The following COL5A1 variants were observed in gnomAD, a reference collection of about 807,000 sequenced individuals.
The protein encoded by COL5A1 is collagen type V alpha 1 chain, also known as collagen alpha-1(V) chain.
COL5A1 carries 16 observed loss-of-function variants against 263.7 expected under a neutral mutation model. The observed-to-expected ratio is 0.06, with a 90% CI of 0.04 to 0.09. The LOEUF (loss-of-function observed/expected upper bound fraction) is 0.09, where lower values mean the gene tolerates loss of function less well. Ranked by LOEUF, COL5A1 falls within the 10% of genes least tolerant of loss-of-function variation. The pLI is 1.00. For synonymous variants in COL5A1, 1,012 were observed against 1,004.5 expected (o/e 1.01, Z -0.14); for missense variants, 2,036 against 2,540.5 (o/e 0.80, Z 4.27).
Position 134,681,871 on chromosome 9 carries a change from C to G in COL5A1, c.110-9041C>G, listed in dbSNP as rs116705556. 4.8e-3 allele frequency among the ~76,000 whole-genome samples: 726 copies of G among 152,178 alleles called. 7 individuals are homozygous for G. The highest frequency in any genetic ancestry group is 0.016 in the African/African-American group (685 of 41,524). On this transcript the variant is annotated intron_variant, in intron 1 of 65. Transcript: ENST00000371817. This position sits in a 1 kb window ranked among gnomAD's most constrained non-coding sequence, Gnocchi z 4.3. The stretch of plus-strand genomic sequence containing the variant: ...GCAGAAACCTCCCCTCTCTTCCTCG[C>G]TCTTCCTCTCTTTCTCTCTCTGTCT...
intron 38 of COL5A1, 23 bp downstream of exon 38, chr9:134,802,030 T>A: frequency 6.2e-7 from 1 of 1,611,576 alleles, no homozygotes; most frequent in Middle Eastern, 1.7e-4. Flanking sequence ...CTTCCCAGAT[T>A]CCATGGGTCA....
At chr9:134,685,594 T>TCCACCATCCATCCACCCATCCATCCA (rs1833035754) in intron 1 of COL5A1, among the ~76,000 whole-genome samples, 1 of 123,218 alleles carries the variant, frequency 8.1e-6, no homozygotes, top group African/African-American at 3.1e-5. Flanking sequence ...CCTCCATCCA[T>TCCACCATCCATCCACCCATCCATCCA]CCATCCATCC....
At chr9:134,796,926 C>T in intron 36 of COL5A1, 25 bp downstream of exon 36, 1 of 1,605,960 alleles carries the variant, frequency 6.2e-7, no homozygotes, top group Non-Finnish European at 8.5e-7. Flanking sequence ...CCTTGCTGGG[C>T]CAGCACTGCC....
chr9:134,702,871 A>C (rs1833720258), intron 4 of COL5A1, among the ~76,000 whole-genome samples: 2 of 152,350 alleles, frequency 1.3e-5, no homozygotes, highest in Admixed American at 1.3e-4. Context: ...TGGCTGCTTC[A>C]TGAGCTGTGG....
chr9:134,826,104 C>T (rs1395068839), intron 63 of COL5A1, among the ~76,000 whole-genome samples, 200 bp downstream of exon 63: 9 of 152,368 alleles, frequency 5.9e-5, no homozygotes, highest in Admixed American at 1.3e-4. Context: ...TAGGTTTGTG[C>T]AGCCCGGGGT....
At position 134,812,621 on chromosome 9, in the gene COL5A1, C is replaced by T; in HGVS notation, c.3761C>T (p.Pro1254Leu). The change falls in exon 48 of 66, where the codon CCT (proline) becomes CTT (leucine). Residue 1254 changes from proline (P) to leucine (L), a missense_variant. Around this residue, in one of 3 missense-constraint regions of COL5A1, gnomAD observed 1,078 missense variants for 1,521.4 expected, o/e 0.71. Coordinates refer to ENST00000371817, the MANE Select transcript of COL5A1 (RefSeq NM_000093.5). Reference sequence around the variant, plus strand: ...TTTTCCTAGGGCCCCCCGGGTCCCCCTGGCCCCCGAGGACCCTCCGGAGCT... The same window carrying T: ...TTTTCCTAGGGCCCCCCGGGTCCCCTTGGCCCCCGAGGACCCTCCGGAGCT... ...DVGQMGPPGP[P>L]GPRGPSGAPG... 1 of 1,604,212 alleles carries T rather than the reference C, an allele frequency of 6.2e-7. No homozygotes were observed. The highest frequency in any genetic ancestry group is 8.5e-7 in the Non-Finnish European group (1 of 1,175,086).
At chr9:134,674,513 A>AGTGT (rs146232546) in intron 1 of COL5A1, among the ~76,000 whole-genome samples, 3 of 151,994 alleles carry the variant, frequency 2.0e-5, no homozygotes, top group South Asian at 2.1e-4. Flanking sequence ...GTATCTTGAT[A>AGTGT]GTGTGTGTGT....
rs764431997 is a variant in COL5A1, at chr9:134,690,964, A to T, written c.162A>T (p.Gly54=). The T allele has an allele frequency of 6.2e-7, 1 of 1,613,886 alleles. No homozygotes were observed. The highest frequency in any genetic ancestry group is 1.3e-5 in the African/African-American group (1 of 75,080). The change falls in exon 2 of 66, where the codon GGA becomes GGT. Residue 54 remains glycine, a synonymous_variant. Transcript: ENST00000371817. Reference sequence around the variant, plus strand: ...TAGATTTTCACAACTTGCCTGATGGAATAACAAAGACAACAGGCTTTTGCG... The same window carrying T: ...TAGATTTTCACAACTTGCCTGATGGTATAACAAAGACAACAGGCTTTTGCG... The part of the protein sequence containing the change: ...KVLDFHNLPD[G]ITKTTGFCAT...
chr9:134,819,065 C>T lies in COL5A1; in HGVS notation c.4446+12C>T, dbSNP rs1180051154. ...CCAAAGGTGAAAAGGTAAGAGGGGC[C>T]TCCCTGCCCCAGCAACTGTGACTCG... is the stretch of plus-strand genomic sequence containing the variant. On this transcript the variant is annotated intron_variant, in intron 57 of 65. Transcript: ENST00000371817. 6.2e-7 allele frequency: 1 copy of T among 1,613,074 alleles called. No individual in the cohort carries two copies. Among genetic ancestry groups the T allele is most frequent in the East Asian group, 2.2e-5 (1 of 44,880 alleles).
chr9:134,652,093 C>G lies in COL5A1; in HGVS notation c.109+9797C>G, dbSNP rs779697712. ...TTTGGCTACAGAGTGTTCCCGCGGT[C>G]GAGGTGGGGTGAAGGGCGTTCTCGA... On this transcript the variant is annotated intron_variant, in intron 1 of 65. Transcript: ENST00000371817. The surrounding 1 kb of genome is among the most constrained non-coding windows in gnomAD (Gnocchi z 4.4). Among the ~76,000 whole-genome samples the G allele has an allele frequency of 6.6e-6, 1 of 151,962 alleles. No individual in the cohort carries two copies. Among genetic ancestry groups the G allele is most frequent in the Non-Finnish European group, 1.5e-5 (1 of 67,990 alleles).
chr9:134,816,050 A>AGCTT, intron 52 of COL5A1, 62 bp downstream of exon 52: 1 of 1,546,308 alleles, frequency 6.5e-7, no homozygotes, highest in South Asian at 1.1e-5. Context: ...GGGACCTTGC[A>AGCTT]GCTTGCTTGA....
intron 1 of COL5A1, among the ~76,000 whole-genome samples, chr9:134,683,333 C>G (rs1437420557): frequency 6.6e-6 from 1 of 152,156 alleles, no homozygotes; most frequent in Non-Finnish European, 1.5e-5. Context: ...CCTCTTGAGC[C>G]CGTCGCGGGC....
chr9:134,765,872 C>A lies in COL5A1; in HGVS notation c.2088+138C>A. 1.4e-6 allele frequency: 1 copy of A among 692,244 alleles called. No homozygotes were observed. 42.9% of individuals were successfully genotyped at this position (692,244 alleles called of 1,614,324 possible). On this transcript the variant is annotated intron_variant, in intron 21 of 65. Transcript: ENST00000371817. The surrounding 1 kb of genome is among the most constrained non-coding windows in gnomAD (Gnocchi z 5.1). Reference sequence around the variant, plus strand: ...GCGCCTGCCTGCTGCCAGTGTGAGGCGTGAGCGGGACACTGATGTTCAGAC... The same window carrying A: ...GCGCCTGCCTGCTGCCAGTGTGAGGAGTGAGCGGGACACTGATGTTCAGAC...
chr9:134,753,366 G>C (rs1835857833), intron 14 of COL5A1, among the ~76,000 whole-genome samples: 1 of 152,132 alleles, frequency 6.6e-6, no homozygotes, highest in Non-Finnish European at 1.5e-5. Context: ...GGGTTTGCAG[G>C]CACACAGAGG....
chr9:134,751,132 GCGTGT>G (rs1390892208), intron 13 of COL5A1, among the ~76,000 whole-genome samples: 39 of 151,178 alleles, frequency 2.6e-4, no homozygotes, highest in Middle Eastern at 3.4e-3. Flanking sequence ...GGCCCCGAGA[GCGTGT>G]CACTGTCCAG....
At chr9:134,654,375 G>GTGT in intron 1 of COL5A1, among the ~76,000 whole-genome samples, 1 of 132,310 alleles carries the variant, frequency 7.6e-6, no homozygotes, top group Non-Finnish European at 1.6e-5. Flanking sequence ...GTAGGGCTGG[G>GTGT]GTGTATAGTG....
intron 4 of COL5A1, among the ~76,000 whole-genome samples, chr9:134,724,739 C>T (rs553350628): frequency 1.4e-4 from 21 of 152,300 alleles, no homozygotes; most frequent in African/African-American, 2.9e-4. Flanking sequence ...ACAGCCACCG[C>T]GGCTGCAGGC....
At chr9:134,725,026 A>G (rs768772318) in intron 4 of COL5A1, among the ~76,000 whole-genome samples, 2 of 152,188 alleles carry the variant, frequency 1.3e-5, no homozygotes, top group Non-Finnish European at 2.9e-5. Flanking sequence ...CAGGGTGGCA[A>G]GATGAGCTCC....
intron 36 of COL5A1, 125 bp downstream of exon 36, chr9:134,797,026 A>T: frequency 9.4e-7 from 1 of 1,058,762 alleles, no homozygotes; most frequent in Non-Finnish European, 1.5e-6. Context: ...CGGTGGGTGG[A>T]GGGAGGCCCG....
Sources: allele counts gnomAD v4.1 joint callset (sites outside exome capture counted in the v4.1 genomes callset), GRCh38; gene constraint gnomAD v4.1.1; regional missense constraint gnomAD v4.1.1; non-coding constraint Gnocchi (gnomAD v3.1); transcripts MANE v1.5; gene names NCBI Gene and HGNC (gene_info 2026-07-23, HGNC 2026-07-21).